Variants in GRM1 observed in about 807,000 individuals in gnomAD.
The protein encoded by GRM1 is glutamate metabotropic receptor 1, also known as metabotropic glutamate receptor 1.
In GRM1, 33 loss-of-function variants were observed where a neutral mutation model predicts 90.9. The ratio of observed to expected loss-of-function variants is 0.36; its 90% CI spans 0.28 to 0.49. The LOEUF (loss-of-function observed/expected upper bound fraction) is 0.49. Among genes scored for constraint, GRM1 ranks in the 20% least tolerant of loss-of-function variants. GRM1 has a pLI of 0.99. For missense variants in GRM1, 1,190 were observed against 1,534.3 expected (o/e 0.78, Z 3.75); for synonymous variants, 700 against 613.2 (o/e 1.14, Z -2.09).
intron 2 of GRM1, among the ~76,000 whole-genome samples, chr6:146,246,373 A>G (rs1457328189): frequency 6.6e-6 from 1 of 152,168 alleles, no homozygotes; most frequent in Non-Finnish European, 1.5e-5. Flanking sequence ...GCAGGGCTCA[A>G]TGGGGACCTT....
intron 5 of GRM1, among the ~76,000 whole-genome samples, chr6:146,374,662 G>T (rs978297086): frequency 2.6e-5 from 4 of 152,036 alleles, no homozygotes; most frequent in African/African-American, 9.7e-5. Flanking sequence ...GCATACAGTT[G>T]TTCATAGTAG....
At chr6:146,111,387 T>C (rs1432572208) in intron 1 of GRM1, among the ~76,000 whole-genome samples, 1 of 152,160 alleles carries the variant, frequency 6.6e-6, no homozygotes, top group Non-Finnish European at 1.5e-5. Flanking sequence ...ATCCCAGGTG[T>C]GCACACCAAT....
At chr6:146,432,447 G>A (rs886248331) in intron 7 of GRM1, among the ~76,000 whole-genome samples, 1 of 152,130 alleles carries the variant, frequency 6.6e-6, no homozygotes, top group Non-Finnish European at 1.5e-5. Flanking sequence ...AATTTTTGAA[G>A]TATTCGTTCT....
intron 3 of GRM1, among the ~76,000 whole-genome samples, chr6:146,332,260 G>T (rs192463519): frequency 6.6e-6 from 1 of 152,118 alleles, no homozygotes; most frequent in Non-Finnish European, 1.5e-5. Flanking sequence ...CAGTTATGTA[G>T]GTCAGAAGTC....
At chr6:146,085,631 A>T (rs1424273343) in intron 1 of GRM1, among the ~76,000 whole-genome samples, 1 of 152,132 alleles carries the variant, frequency 6.6e-6, no homozygotes, top group African/African-American at 2.4e-5. Flanking sequence ...TGACAAAAAG[A>T]AATAGAGGGA....
intron 2 of GRM1, among the ~76,000 whole-genome samples, chr6:146,193,948 A>T (rs1391351407): frequency 1.4e-5 from 2 of 147,030 alleles, no homozygotes; most frequent in East Asian, 3.9e-4. Flanking sequence ...AAATACTGCC[A>T]GATTTTTTTT....
intron 5 of GRM1, among the ~76,000 whole-genome samples, chr6:146,361,671 C>G (rs959652222): frequency 2.6e-5 from 4 of 152,264 alleles, no homozygotes; most frequent in African/African-American, 9.6e-5. Flanking sequence ...TATCATCCCC[C>G]CATTTTATAG....
In GRM1 at chr6:146,433,893, A is replaced by G. The variant is rs772382333; in HGVS notation, c.2682A>G (p.Ser894=). Residue 894 remains serine, a synonymous_variant, in exon 8 of 8, where the codon TCA becomes TCG. Coordinates refer to ENST00000282753, the MANE Select transcript of GRM1 (RefSeq NM_001278064.2). The stretch of plus-strand genomic sequence containing the variant: ...ATAGTTCTAATGGCAAGTCTGTGTC[A>G]TGGTCTGAACCAGGTGGAGGACAGG... ...GNANSNGKSV[S]WSEPGGGQVP... 89 of 1,612,690 alleles carry G rather than the reference A, an allele frequency of 5.5e-5. No homozygotes were observed. Among genetic ancestry groups the G allele is most frequent in the Non-Finnish European group, 7.5e-5 (88 of 1,178,770 alleles).
At chr6:146,175,110 C>A (rs189214762) in intron 2 of GRM1, among the ~76,000 whole-genome samples, 1 of 152,090 alleles carries the variant, frequency 6.6e-6, no homozygotes. Flanking sequence ...CTAGGTCCAG[C>A]AATTCAAGGG....
intron 7 of GRM1, among the ~76,000 whole-genome samples, chr6:146,401,902 C>T (rs910244595): frequency 7.2e-5 from 11 of 152,282 alleles, no homozygotes; most frequent in African/African-American, 2.6e-4. Flanking sequence ...TTGGAGCTAT[C>T]TGATGTCACA....
chr6:146,281,286 A>C (rs572167311), intron 2 of GRM1, among the ~76,000 whole-genome samples: 1 of 152,334 alleles, frequency 6.6e-6, no homozygotes, highest in Admixed American at 6.5e-5. Context: ...CCAGGATTCC[A>C]ACCACAGCTC....
chr6:146,118,671 T>C (rs1775858759), intron 1 of GRM1, among the ~76,000 whole-genome samples: 1 of 152,210 alleles, frequency 6.6e-6, no homozygotes, highest in South Asian at 2.1e-4. Context: ...AATTCCCACC[T>C]ATGAGTGAGA....
chr6:146,323,727 C>A (rs1472003976), intron 3 of GRM1, among the ~76,000 whole-genome samples: 4 of 152,054 alleles, frequency 2.6e-5, no homozygotes, highest in Non-Finnish European at 4.4e-5. Flanking sequence ...GGTTTTAGGT[C>A]TAATATTTAA....
At chr6:146,211,587 T>C (rs1008693306) in intron 2 of GRM1, among the ~76,000 whole-genome samples, 1 of 152,194 alleles carries the variant, frequency 6.6e-6, no homozygotes, top group African/African-American at 2.4e-5. Context: ...TGTTGGTGGC[T>C]AGAACATATT....
At chr6:146,295,703 T>C (rs992844190) in intron 2 of GRM1, among the ~76,000 whole-genome samples, 1 of 152,216 alleles carries the variant, frequency 6.6e-6, no homozygotes, top group Non-Finnish European at 1.5e-5. Flanking sequence ...ATGTATATTA[T>C]TGAGAGATTA....
chr6:146,042,888 T>A (rs1791168015), intron 1 of GRM1, among the ~76,000 whole-genome samples: 1 of 151,988 alleles, frequency 6.6e-6, no homozygotes, highest in South Asian at 2.1e-4. Flanking sequence ...TAGGTGCCCA[T>A]CAGAGATCAG....
intron 2 of GRM1, among the ~76,000 whole-genome samples, chr6:146,291,975 A>G (rs993973526): frequency 4.6e-5 from 7 of 152,032 alleles, no homozygotes; most frequent in Non-Finnish European, 1.0e-4. Flanking sequence ...ATATTAACAT[A>G]TAGTCAGGTG....
At chr6:146,278,951 C>CGCCTCG (rs1782471811) in intron 2 of GRM1, among the ~76,000 whole-genome samples, 1 of 151,982 alleles carries the variant, frequency 6.6e-6, no homozygotes, top group Non-Finnish European at 1.5e-5. Flanking sequence ...CTAATCCGCC[C>CGCCTCG]GCCTCGGCCT....
intron 2 of GRM1, among the ~76,000 whole-genome samples, chr6:146,190,013 C>T (rs548743256): frequency 2.6e-5 from 4 of 152,258 alleles, no homozygotes; most frequent in Admixed American, 1.3e-4. Flanking sequence ...AGATTAAGTT[C>T]GGGTATAGGG....
Sources: allele counts gnomAD v4.1 joint callset (sites outside exome capture counted in the v4.1 genomes callset), GRCh38; gene constraint gnomAD v4.1.1; transcripts MANE v1.5; gene names NCBI Gene and HGNC (gene_info 2026-07-23, HGNC 2026-07-21).